The following NDST3 variants were observed in gnomAD, a reference collection of about 807,000 sequenced individuals.
The protein encoded by NDST3 is bifunctional heparan sulfate N-deacetylase/N-sulfotransferase 3.
A neutral mutation model predicts 96.1 loss-of-function variants in NDST3; 58 were observed. The ratio of observed to expected loss-of-function variants is 0.60; its 90% confidence interval spans 0.49 to 0.75. The LOEUF (loss-of-function observed/expected upper bound fraction) is 0.75. Among genes scored for constraint, NDST3 ranks in the 30% least tolerant of loss-of-function variants. The pLI, the probability that NDST3 is intolerant of heterozygous loss-of-function variation, is 0.00. For missense variants in NDST3, 788 were observed against 1,034.2 expected (o/e 0.76, Z 3.27); for synonymous variants, 333 against 359.7 (o/e 0.93, Z 0.84).
chr4:118,093,171 T>C (rs541057246), intron 2 of NDST3, among the ~76,000 whole-genome samples: 155 of 152,002 alleles, frequency 1.0e-3, no homozygotes, highest in Non-Finnish European at 1.5e-3. Context: ...AGAATGGCAT[T>C]TGACTTCTAA....
chr4:118,101,773 T>C (rs1482422017), intron 2 of NDST3, among the ~76,000 whole-genome samples: 2 of 152,142 alleles, frequency 1.3e-5, no homozygotes, highest in Non-Finnish European at 2.9e-5. Flanking sequence ...GATTCATAAC[T>C]ACATAAGTAT....
chr4:118,254,877 G>A (rs184425127), intron 13 of NDST3, among the ~76,000 whole-genome samples: 389 of 152,206 alleles, frequency 2.6e-3, no homozygotes, highest in Admixed American at 5.4e-3. Context: ...ATCATATACG[G>A]AAGAGAGAGA....
intron 2 of NDST3, among the ~76,000 whole-genome samples, chr4:118,072,443 C>T (rs1727160010): frequency 6.6e-6 from 1 of 151,968 alleles, no homozygotes; most frequent in Non-Finnish European, 1.5e-5. Flanking sequence ...AAATCTTTGA[C>T]CTCCCTAGTT....
intron 12 of NDST3, among the ~76,000 whole-genome samples, chr4:118,252,149 T>C (rs1490618623): frequency 6.6e-6 from 1 of 152,228 alleles, no homozygotes; most frequent in East Asian, 1.9e-4. Context: ...AATGGCAATA[T>C]AATTATTGAA....
intron 6 of NDST3, among the ~76,000 whole-genome samples, chr4:118,165,695 T>C (rs767797326): frequency 1.4e-4 from 21 of 151,892 alleles, no homozygotes; most frequent in Non-Finnish European, 2.4e-4. Context: ...TTTCAGAACA[T>C]TGATATCATA....
At chr4:118,117,365 C>T (rs959026505) in intron 4 of NDST3, among the ~76,000 whole-genome samples, 1 of 151,914 alleles carries the variant, frequency 6.6e-6, no homozygotes, top group Admixed American at 6.6e-5. Context: ...AATTTTTGCC[C>T]AGGCTCCTGA....
At chr4:118,199,003 G>A (rs1737886496) in intron 6 of NDST3, among the ~76,000 whole-genome samples, 1 of 151,936 alleles carries the variant, frequency 6.6e-6, no homozygotes. Flanking sequence ...ACCTTTGCAA[G>A]TTGAATTACC....
rs1725104561 is a variant in NDST3 at position 118,051,949 on chromosome 4, A to G, written c.-155-1807A>G. ...ACACTGTTGGTGGGAATGTAAACAAATTCAGCCGCTATGGAAAGAAGTTTG... is the reference window on the plus strand; with the variant it reads ...ACACTGTTGGTGGGAATGTAAACAAGTTCAGCCGCTATGGAAAGAAGTTTG... On this transcript the variant is annotated intron_variant, in intron 1 of 13. Transcript: ENST00000296499. Among the ~76,000 whole-genome samples, 3 of 152,182 alleles carry G rather than the reference A, an allele frequency of 2.0e-5. No homozygotes were observed. The South Asian group carries it at 6.2e-4, about 32-fold the overall frequency.
intron 2 of NDST3, among the ~76,000 whole-genome samples, chr4:118,066,214 A>G (rs2035434604): frequency 1.5e-5 from 1 of 67,906 alleles, no homozygotes; most frequent in South Asian, 4.0e-4. Flanking sequence ...TATATATTAT[A>G]CATAATATAT....
At chr4:118,113,879 T>C (rs1388644514) in intron 3 of NDST3, among the ~76,000 whole-genome samples, 1 of 152,104 alleles carries the variant, frequency 6.6e-6, no homozygotes, top group Non-Finnish European at 1.5e-5. Context: ...TCCAGGACAG[T>C]AGTGAGCACC....
intron 12 of NDST3, among the ~76,000 whole-genome samples, chr4:118,248,612 A>G (rs545027313): frequency 4.2e-4 from 64 of 152,342 alleles, no homozygotes; most frequent in Middle Eastern, 3.4e-3. Flanking sequence ...AGCGGACACT[A>G]AACAATATAT....
chr4:118,047,093 C>T (rs996900961), intron 1 of NDST3, among the ~76,000 whole-genome samples: 5 of 152,140 alleles, frequency 3.3e-5, no homozygotes, highest in African/African-American at 9.7e-5. Context: ...TATCTACTGC[C>T]CATTACTCTT....
chr4:118,162,609 T>A (rs1167582758), intron 6 of NDST3, among the ~76,000 whole-genome samples: 1 of 150,560 alleles, frequency 6.6e-6, no homozygotes, highest in Non-Finnish European at 1.5e-5. Context: ...TCAAGATGGA[T>A]TAAAGACTTA....
chr4:118,160,873 C>A (rs1243756551), intron 6 of NDST3, among the ~76,000 whole-genome samples: 4 of 152,004 alleles, frequency 2.6e-5, no homozygotes, highest in African/African-American at 9.7e-5. Context: ...CTCAACTCGT[C>A]AAAGTCATTC....
At chr4:118,074,485 T>A (rs1054365020) in intron 2 of NDST3, among the ~76,000 whole-genome samples, 14 of 152,206 alleles carry the variant, frequency 9.2e-5, no homozygotes, top group Non-Finnish European at 1.8e-4. Flanking sequence ...GAACCTTTTA[T>A]CATTATGTAA....
chr4:118,244,671 C>G (rs1741202207), intron 12 of NDST3, among the ~76,000 whole-genome samples: 1 of 152,118 alleles, frequency 6.6e-6, no homozygotes, highest in African/African-American at 2.4e-5. Flanking sequence ...TTTAAGATAT[C>G]TCTAAACTTA....
chr4:118,099,248 G>T (rs943681901), intron 2 of NDST3, among the ~76,000 whole-genome samples: 1 of 152,050 alleles, frequency 6.6e-6, no homozygotes, highest in Non-Finnish European at 1.5e-5. Context: ...TCAATCTGCT[G>T]CTGTTCTGCC....
chr4:118,056,580 G>A (rs1725449250), intron 2 of NDST3, among the ~76,000 whole-genome samples: 1 of 151,960 alleles, frequency 6.6e-6, no homozygotes, highest in Non-Finnish European at 1.5e-5. Context: ...ATTGCCCTGA[G>A]AGTATAAACA....
At chr4:118,204,222 G>T (rs1218388197) in intron 6 of NDST3, among the ~76,000 whole-genome samples, 1 of 152,018 alleles carries the variant, frequency 6.6e-6, no homozygotes, top group African/African-American at 2.4e-5. Context: ...ACCTCGCTTG[G>T]TCACTTGATG....
Sources: allele counts gnomAD v4.1 joint callset (sites outside exome capture counted in the v4.1 genomes callset), GRCh38; gene constraint gnomAD v4.1.1; transcripts MANE v1.5; gene names NCBI Gene and HGNC (gene_info 2026-07-23, HGNC 2026-07-21).